Variants in PCCA observed in about 807,000 individuals in gnomAD.
The protein encoded by PCCA is propionyl-CoA carboxylase alpha chain, mitochondrial.
A neutral mutation model predicts 101.3 loss-of-function variants in PCCA; 74 were observed. That is an observed-to-expected ratio of 0.73 (90% CI 0.61 to 0.89). PCCA has a LOEUF of 0.89. PCCA is among the 40% of genes least tolerant of loss of function. PCCA has a pLI of 0.00. For synonymous variants in PCCA, 294 were observed against 313.6 expected, an observed-to-expected ratio of 0.94 and a Z score of 0.66; for missense variants, 891 against 907.0, an observed-to-expected ratio of 0.98 and a Z score of 0.23.
chr13:100,326,676 C>T (rs2068723054), intron 16 of PCCA, among the ~76,000 whole-genome samples: 1 of 152,064 alleles, frequency 6.6e-6, no homozygotes, highest in African/African-American at 2.4e-5. Context: ...CCAGCCCCTC[C>T]TCTTCCTCCT....
chr13:100,118,280 G>A (rs1161515384), intron 4 of PCCA, among the ~76,000 whole-genome samples: 1 of 151,874 alleles, frequency 6.6e-6, no homozygotes, highest in African/African-American at 2.4e-5. Context: ...CATGTAATAT[G>A]CCTACCACAT....
At chr13:100,154,847 C>T in intron 4 of PCCA, 132 bp from the exon 5 acceptor site, 1 of 722,638 alleles carries the variant, frequency 1.4e-6, no homozygotes, top group Non-Finnish European at 2.5e-6. Context: ...CTTTTTAGTG[C>T]ATACTCAAAA....
chr13:100,209,183 G>C (rs1229945780), intron 6 of PCCA, 149 bp from the exon 7 acceptor site: 5 of 659,074 alleles, frequency 7.6e-6, no homozygotes, highest in Non-Finnish European at 1.3e-5. Flanking sequence ...ATGCAATATA[G>C]TATTTTAATG....
intron 8 of PCCA, among the ~76,000 whole-genome samples, chr13:100,251,385 A>G (rs527745114): frequency 1.3e-5 from 2 of 152,196 alleles, no homozygotes; most frequent in Non-Finnish European, 2.9e-5. Flanking sequence ...TGTAGGTGAC[A>G]TAGATTACAG....
intron 15 of PCCA, 129 bp downstream of exon 15, chr13:100,307,389 G>A: frequency 2.8e-6 from 2 of 707,172 alleles, no homozygotes; most frequent in South Asian, 1.7e-5. Flanking sequence ...TGATGTAAAT[G>A]TGAAAGCAGA....
chr13:100,384,577 G>C (rs2076401139), intron 19 of PCCA, among the ~76,000 whole-genome samples: 2 of 152,008 alleles, frequency 1.3e-5, no homozygotes. Flanking sequence ...AATTTTTATA[G>C]GAACATGATA....
At chr13:100,318,977 C>T (rs2152711578) in intron 16 of PCCA, among the ~76,000 whole-genome samples, 1 of 152,220 alleles carries the variant, frequency 6.6e-6, no homozygotes, top group Non-Finnish European at 1.5e-5. Context: ...CCTATTTCTC[C>T]ACATCCTCTC....
chr13:100,286,154 G>A (rs923284959), intron 12 of PCCA, among the ~76,000 whole-genome samples: 1 of 152,188 alleles, frequency 6.6e-6, no homozygotes, highest in East Asian at 1.9e-4. Context: ...GGACTAAGAT[G>A]TTCTGTGAGT....
chr13:100,188,987 A>G (rs1302041080), intron 6 of PCCA, among the ~76,000 whole-genome samples: 2 of 151,868 alleles, frequency 1.3e-5, no homozygotes, highest in African/African-American at 4.8e-5. Flanking sequence ...TGCTGCACCC[A>G]TCAACCCGTC....
At chr13:100,417,100 C>A (rs1180912749) in intron 19 of PCCA, among the ~76,000 whole-genome samples, 1 of 151,812 alleles carries the variant, frequency 6.6e-6, no homozygotes, top group East Asian at 1.9e-4. Flanking sequence ...GCCTTGGCCT[C>A]CCAAAGTGCT....
chr13:100,283,469 G>T (rs566551308), intron 12 of PCCA, among the ~76,000 whole-genome samples: 1 of 151,578 alleles, frequency 6.6e-6, no homozygotes, highest in African/African-American at 2.4e-5. Context: ...AAATCCTTCT[G>T]CCTTCCTCGA....
chr13:100,287,586 G>A lies in PCCA; in HGVS notation c.1066-13874G>A, dbSNP rs145645255. On this transcript the variant is annotated intron_variant, in intron 12 of 23. Transcript: ENST00000376285. The stretch of plus-strand genomic sequence containing the variant: ...TCTTTTACAAAAGTAATGGAAATTG[G>A]CATACTTATATTTAATCCCGCTGTC... Among the ~76,000 whole-genome samples, 533 of 152,080 alleles carry A rather than the reference G, an allele frequency of 3.5e-3. 6 individuals carry two copies. Among genetic ancestry groups the A allele is most frequent in the African/African-American group, 9.2e-3 (384 of 41,516 alleles).
intron 12 of PCCA, among the ~76,000 whole-genome samples, chr13:100,286,249 C>G (rs2064636762): frequency 6.6e-6 from 1 of 152,136 alleles, no homozygotes. Flanking sequence ...CAAGTTATTT[C>G]TATAGAAGGG....
At chr13:100,352,610 T>G (rs1406177849) in intron 18 of PCCA, among the ~76,000 whole-genome samples, 3 of 151,882 alleles carry the variant, frequency 2.0e-5, no homozygotes, top group African/African-American at 7.3e-5. Flanking sequence ...CCCAGGCAAG[T>G]CTCGAACTCC....
At chr13:100,524,413 T>TGTGTGTGTGTGTGTGTGTGTGTGTG (rs2087570771) in intron 22 of PCCA, among the ~76,000 whole-genome samples, 3 of 42,840 alleles carry the variant, frequency 7.0e-5, no homozygotes, top group Non-Finnish European at 1.7e-4. Flanking sequence ...GTGTGTGTGT[T>TGTGTGTGTGTGTGTGTGTGTGTGTG]GGGGTAGAAC....
intron 4 of PCCA, among the ~76,000 whole-genome samples, chr13:100,131,630 TTTTTTTATACAGTGTTTTAAAGTG>T (rs2050523223): frequency 6.6e-6 from 1 of 152,186 alleles, no homozygotes; most frequent in African/African-American, 2.4e-5. Context: ...CTAGTATGCT[TTTTTTTATACAGTGTTTTAAAGTG>T]TTGGAAAAAA....
intron 19 of PCCA, among the ~76,000 whole-genome samples, chr13:100,372,284 A>G (rs2075620362): frequency 6.6e-6 from 1 of 152,204 alleles, no homozygotes; most frequent in Admixed American, 6.5e-5. Context: ...CTCAGTGGGC[A>G]AAGGTTGCAG....
At chr13:100,140,769 T>C (rs2051768924) in intron 4 of PCCA, among the ~76,000 whole-genome samples, 1 of 152,232 alleles carries the variant, frequency 6.6e-6, no homozygotes, top group Non-Finnish European at 1.5e-5. Context: ...TAGTCCATCT[T>C]ACCTGCAGTT....
chr13:100,208,955 A>G (rs1850046638), intron 6 of PCCA, among the ~76,000 whole-genome samples: 1 of 152,178 alleles, frequency 6.6e-6, no homozygotes, highest in South Asian at 2.1e-4. Flanking sequence ...TTTGTGTTAT[A>G]CTAGGCATTA....
Sources: gnomAD v4.1 joint callset for allele counts (sites outside exome capture counted in the v4.1 genomes callset) on GRCh38, gnomAD v4.1.1 for gene constraint, MANE v1.5 for transcripts, NCBI Gene and HGNC (gene_info 2026-07-23, HGNC 2026-07-21) for gene names.